Variants in PDE7B observed in about 807,000 individuals in gnomAD.
The protein encoded by PDE7B is phosphodiesterase 7B.
In PDE7B, 29 loss-of-function variants were observed where a neutral mutation model predicts 56.2. The observed-to-expected ratio is 0.52, with a 90% CI of 0.38 to 0.70. The LOEUF (loss-of-function observed/expected upper bound fraction) is 0.70, where lower values mean the gene tolerates loss of function less well. Ranked by LOEUF, PDE7B falls within the 30% of genes least tolerant of loss-of-function variation. The pLI is 0.00. For missense variants in PDE7B, 490 were observed against 565.0 expected (o/e 0.87, Z 1.35); for synonymous variants, 197 against 196.9 (o/e 1.00, Z 0.00).
chr6:135,967,979 G>C (rs1019282871), intron 2 of PDE7B, among the ~76,000 whole-genome samples: 6 of 152,190 alleles, frequency 3.9e-5, no homozygotes, highest in African/African-American at 9.7e-5. Context: ...CTTGGCAAGG[G>C]TACTGTGGCT....
At chr6:136,035,459 G>A (rs565166675) in intron 2 of PDE7B, among the ~76,000 whole-genome samples, 3 of 152,156 alleles carry the variant, frequency 2.0e-5, no homozygotes, top group Non-Finnish European at 2.9e-5. Context: ...AAAAATTTCC[G>A]AGCCAAGCTT....
intron 3 of PDE7B, among the ~76,000 whole-genome samples, chr6:136,138,178 C>T (rs953910101): frequency 6.6e-6 from 1 of 152,044 alleles, no homozygotes; most frequent in African/African-American, 2.4e-5. Context: ...AGGAATTTAG[C>T]GAGCTATCTG....
chr6:136,168,923 A>G (rs777662799), intron 8 of PDE7B, among the ~76,000 whole-genome samples: 1 of 152,178 alleles, frequency 6.6e-6, no homozygotes, highest in Admixed American at 6.5e-5. Context: ...CAAATTCAGT[A>G]TAATTCCAGG....
intron 1 of PDE7B, among the ~76,000 whole-genome samples, chr6:135,940,002 T>C (rs1774482663): frequency 6.6e-6 from 1 of 152,232 alleles, no homozygotes; most frequent in South Asian, 2.1e-4. Context: ...ATCCTGGTTC[T>C]TCGAAAGCAA....
chr6:136,111,942 T>A (rs1395088513), intron 3 of PDE7B, among the ~76,000 whole-genome samples: 4 of 152,156 alleles, frequency 2.6e-5, no homozygotes, highest in Admixed American at 6.5e-5. Flanking sequence ...AGGATTTTTT[T>A]AAACCATTTA....
At chr6:135,900,596 C>T (rs73556553) in intron 1 of PDE7B, among the ~76,000 whole-genome samples, 7,346 of 151,848 alleles carry the variant, frequency 0.048, 585 homozygotes, top group African/African-American at 0.17. Flanking sequence ...ATTTCTTTCA[C>T]GTCTTTCTGC....
intron 1 of PDE7B, among the ~76,000 whole-genome samples, chr6:135,901,488 CT>C (rs966332804): frequency 6.6e-6 from 1 of 152,010 alleles, no homozygotes; most frequent in Non-Finnish European, 1.5e-5. Flanking sequence ...GAGTACAGAC[CT>C]TTTTTTGCAA....
intron 1 of PDE7B, among the ~76,000 whole-genome samples, chr6:135,913,470 C>T (rs775754281): frequency 1.8e-4 from 28 of 152,146 alleles, no homozygotes; most frequent in Non-Finnish European, 3.4e-4. Flanking sequence ...TCCACTACTG[C>T]GGTCACTCTT....
intron 1 of PDE7B, among the ~76,000 whole-genome samples, chr6:135,900,874 G>A (rs150226305): frequency 2.0e-5 from 3 of 151,970 alleles, no homozygotes; most frequent in African/African-American, 7.3e-5. Context: ...CCAGTGTCTA[G>A]GTAGCATTCA....
At chr6:136,138,008 G>A (rs1583901885) in intron 3 of PDE7B, among the ~76,000 whole-genome samples, 1 of 152,070 alleles carries the variant, frequency 6.6e-6, no homozygotes, top group Non-Finnish European at 1.5e-5. Flanking sequence ...TATTCCAAAT[G>A]AGAATTTGGA....
intron 3 of PDE7B, among the ~76,000 whole-genome samples, chr6:136,146,270 C>A (rs973620666): frequency 6.6e-6 from 1 of 152,198 alleles, no homozygotes; most frequent in African/African-American, 2.4e-5. Context: ...AAATTGGCAG[C>A]AGACGTCACT....
intron 1 of PDE7B, among the ~76,000 whole-genome samples, chr6:135,901,663 A>C (rs1421800734): frequency 6.6e-6 from 1 of 152,160 alleles, no homozygotes; most frequent in African/African-American, 2.4e-5. Context: ...CCCAGGGAGC[A>C]GCTGTATGCA....
intron 2 of PDE7B, among the ~76,000 whole-genome samples, chr6:136,067,641 C>A (rs554523209): frequency 6.6e-6 from 1 of 152,122 alleles, no homozygotes; most frequent in African/African-American, 2.4e-5. Context: ...GTTTTGTATT[C>A]TATTTCAACT....
rs149864561 is a variant in PDE7B, at chr6:136,153,926, T to C, written c.479-149T>C. 361 of 588,716 alleles carry C rather than the reference T, an allele frequency of 6.1e-4. 1 individual carries two copies. In the African/African-American group the frequency reaches 6.4e-3, roughly 10 times the overall value. The allele number at this position is 588,716 out of a possible 1,614,324, so 36.5% of individuals were successfully genotyped here. A position where few individuals can be genotyped will look rare whatever the true frequency, so the allele number is the denominator to read the frequency against. ...AACAGCCTAGCAGAACTGCCAAGCT[T>C]GCAAACCACGTTTATTTTTAAAGCA... On this transcript the variant is annotated intron_variant, in intron 6 of 12. Transcript: ENST00000308191.
At chr6:136,088,205 GTCA>G (rs1430243462) in intron 2 of PDE7B, among the ~76,000 whole-genome samples, 1 of 152,154 alleles carries the variant, frequency 6.6e-6, no homozygotes, top group Admixed American at 6.6e-5. Flanking sequence ...GGAGATTGAT[GTCA>G]TCAGAACTCA....
chr6:135,914,826 G>A (rs1776272720), intron 1 of PDE7B, among the ~76,000 whole-genome samples: 1 of 148,038 alleles, frequency 6.8e-6, no homozygotes, highest in South Asian at 2.1e-4. Context: ...CTGGCGTGGT[G>A]GCTCACGCCT....
intron 1 of PDE7B, among the ~76,000 whole-genome samples, chr6:135,892,619 T>A (rs922668183): frequency 6.6e-5 from 10 of 152,118 alleles, no homozygotes; most frequent in Non-Finnish European, 1.3e-4. Flanking sequence ...ATAGCTCACC[T>A]CTTCTATATT....
intron 2 of PDE7B, among the ~76,000 whole-genome samples, chr6:136,042,815 G>A (rs564594929): frequency 6.6e-6 from 1 of 152,272 alleles, no homozygotes; most frequent in South Asian, 2.1e-4. Flanking sequence ...TAATCAAGAA[G>A]CATTTATGGG....
At chr6:135,963,236 A>G (rs1470174165) in intron 2 of PDE7B, among the ~76,000 whole-genome samples, 2 of 152,166 alleles carry the variant, frequency 1.3e-5, no homozygotes, top group Non-Finnish European at 2.9e-5. Context: ...TGCCAGGGGA[A>G]TTTGCAGTTT....
Sources: gnomAD v4.1 joint callset for allele counts (sites outside exome capture counted in the v4.1 genomes callset) on GRCh38, gnomAD v4.1.1 for gene constraint, MANE v1.5 for transcripts, NCBI Gene and HGNC (gene_info 2026-07-23, HGNC 2026-07-21) for gene names.